The following MGAM2 variants were observed in gnomAD, a reference collection of about 807,000 sequenced individuals.
MGAM2 encodes probable maltase-glucoamylase 2.
In MGAM2, 98 loss-of-function variants were observed where a neutral mutation model predicts 96.1. That is an observed-to-expected ratio of 1.02 (90% CI 0.87 to 1.21). The LOEUF (loss-of-function observed/expected upper bound fraction) is 1.21. Among genes scored for constraint, MGAM2 ranks in the 50% most tolerant of loss-of-function variants. The probability of loss-of-function intolerance (pLI) is 0.00; values close to 1 mark genes in which losing one functional copy is unlikely to be tolerated. For synonymous variants in MGAM2, 749 were observed against 414.8 expected, an observed-to-expected ratio of 1.81 and a Z score of -9.79; for missense variants, 2,055 against 1,182.4, an observed-to-expected ratio of 1.74 and a Z score of -10.82.
intron 3 of MGAM2, among the ~76,000 whole-genome samples, chr7:142,124,559 G>A (rs1794685201): frequency 6.6e-6 from 1 of 151,752 alleles, no homozygotes; most frequent in Non-Finnish European, 1.5e-5. Flanking sequence ...TGCCCTTTAG[G>A]TTTCTGAATA....
At chr7:142,187,392 G>C (rs78925886) in intron 35 of MGAM2, among the ~76,000 whole-genome samples, 3 of 152,168 alleles carry the variant, frequency 2.0e-5, no homozygotes, top group Admixed American at 6.5e-5. Context: ...CCTCTGTTGG[G>C]GAGTTGTATC....
chr7:142,195,833 G>A (rs999691800), intron 37 of MGAM2, among the ~76,000 whole-genome samples: 4 of 152,140 alleles, frequency 2.6e-5, no homozygotes, highest in Middle Eastern at 6.8e-3. Flanking sequence ...GAAAGTGACC[G>A]GTATAATACT....
intron 12 of MGAM2, among the ~76,000 whole-genome samples, chr7:142,142,890 G>A (rs956151145): frequency 1.3e-5 from 2 of 152,124 alleles, no homozygotes; most frequent in Non-Finnish European, 2.9e-5. Flanking sequence ...AAATTTGCTG[G>A]CTCGCTCTAG....
chr7:142,131,746 T>C, intron 5 of MGAM2, 119 bp downstream of exon 5: 1 of 621,984 alleles, frequency 1.6e-6, no homozygotes, highest in South Asian at 1.9e-5. Context: ...CTGGATGGCA[T>C]GGGCAGGCTA....
chr7:142,129,339 C>T (rs191580173), intron 3 of MGAM2, among the ~76,000 whole-genome samples: 224 of 152,134 alleles, frequency 1.5e-3, no homozygotes, highest in African/African-American at 5.2e-3. Context: ...TGGACTTGTA[C>T]TTTTGGATTA....
chr7:142,165,551 T>C (rs1015082126), intron 24 of MGAM2, among the ~76,000 whole-genome samples: 2 of 152,210 alleles, frequency 1.3e-5, no homozygotes, highest in African/African-American at 2.4e-5. Flanking sequence ...CCCCCTTCCA[T>C]GTTGACAAGA....
At chr7:142,182,115 G>T (rs929239388) in intron 32 of MGAM2, among the ~76,000 whole-genome samples, 1 of 152,132 alleles carries the variant, frequency 6.6e-6, no homozygotes, top group African/African-American at 2.4e-5. Flanking sequence ...TCTTCTCAGT[G>T]TTCTGAGAGT....
rs891441994 is a variant in MGAM2, at chr7:142,120,463, G to C, written c.186+82G>C. 4.6e-6 allele frequency: 3 copies of C among 651,782 alleles called. No individual in the cohort carries two copies. In the African/African-American group the frequency reaches 5.4e-5, roughly 12 times the overall value. 40.4% of individuals were successfully genotyped at this position (651,782 alleles called of 1,614,324 possible). A position where few individuals can be genotyped will look rare whatever the true frequency, so the allele number is the denominator to read the frequency against. On this transcript the variant is annotated intron_variant, in intron 3 of 47. Transcript: ENST00000477922. ...ATATGTGAAGTGGGGAAAGGGTGGGGGTGGCATGGCTTCTGGGCCTCTGAT... is the reference window on the plus strand; with the variant it reads ...ATATGTGAAGTGGGGAAAGGGTGGGCGTGGCATGGCTTCTGGGCCTCTGAT...
intron 1 of MGAM2, 25 bp from the exon 2 acceptor site, chr7:142,116,849 A>T (rs758788743): frequency 1.5e-4 from 102 of 703,424 alleles, no homozygotes; most frequent in South Asian, 1.3e-3. Context: ...GATTTGTTTT[A>T]ACCCAATTAT....
rs551137221 is a variant in MGAM2, at chr7:142,208,580, T to C, written c.5145T>C (p.Tyr1715=). The change falls in exon 46 of 48, where the codon TAT becomes TAC. Residue 1715 remains tyrosine, a synonymous_variant. Coordinates refer to ENST00000477922, the MANE Select transcript of MGAM2 (RefSeq NM_001293626.2). ...TCTTTTCCTTGTTTGCAGATACCTA[T>C]GAAAATGGAAATTATTTTTTGGCAA... ...FWDDGQSIDT[Y]ENGNYFLANF... The C allele has an allele frequency of 2.8e-6, 2 of 702,818 alleles. No homozygotes were observed. Among genetic ancestry groups the C allele is most frequent in the South Asian group, 3.0e-5 (2 of 67,564 alleles). The allele number at this position is 702,818 out of a possible 1,614,324, so 43.5% of individuals were successfully genotyped here.
chr7:142,131,529 C>T lies in MGAM2; in HGVS notation c.322C>T (p.Gln108Ter), dbSNP rs1794889109. The T allele has an allele frequency of 1.3e-5, 9 of 702,928 alleles. No homozygotes were observed. In the East Asian group the frequency reaches 2.1e-4, roughly 17 times the overall value. 43.5% of individuals were successfully genotyped at this position (702,928 alleles called of 1,614,324 possible). A position where few individuals can be genotyped will look rare whatever the true frequency, so the allele number is the denominator to read the frequency against. The change falls in exon 5 of 48, where the codon CAG becomes TAG. Residue 108 changes from glutamine to a stop codon, truncating the protein, a stop_gained. Coordinates refer to ENST00000477922, the MANE Select transcript of MGAM2 (RefSeq NM_001293626.2). LOFTEE classifies it high-confidence loss of function. Reference protein sequence around the residue: ...HTNTSTGFTAQLKRLPSPSLF... With the variant: ...HTNTSTGFTA ...CTTGCCACCCCTAGGATTTACTGCCCAGTTGAAAAGGTTGCCATCACCATC... is the reference window on the plus strand; with the variant it reads ...CTTGCCACCCCTAGGATTTACTGCCTAGTTGAAAAGGTTGCCATCACCATC...
intron 15 of MGAM2, among the ~76,000 whole-genome samples, chr7:142,150,275 A>G (rs1002239012): frequency 5.3e-5 from 8 of 152,164 alleles, no homozygotes; most frequent in Non-Finnish European, 1.0e-4. Flanking sequence ...GTTGGTAGCA[A>G]CAGCATCCCT....
In MGAM2 at chr7:142,132,087, T is replaced by C. The variant is rs908216134; in HGVS notation, c.575+2T>C. ...GAGGACAAGCAACAGAAGAGTCTTG[T>C]GAGCTTTTCAACCCTCTTGGTGCAT... On this transcript the variant is annotated splice_donor_variant, in intron 6 of 47. Coordinates refer to ENST00000477922, the MANE Select transcript of MGAM2 (RefSeq NM_001293626.2). LOFTEE classifies it high-confidence loss of function. 1 of 701,564 alleles carries C rather than the reference T, an allele frequency of 1.4e-6. No homozygotes were observed. The highest frequency in any genetic ancestry group is 2.6e-6 in the Non-Finnish European group (1 of 384,502). The allele number at this position is 701,564 out of a possible 1,614,324, so 43.5% of individuals were successfully genotyped here. A position where few individuals can be genotyped will look rare whatever the true frequency, so the allele number is the denominator to read the frequency against.
intron 10 of MGAM2, among the ~76,000 whole-genome samples, chr7:142,140,055 G>T (rs117384634): frequency 1.3e-5 from 2 of 152,100 alleles, no homozygotes; most frequent in African/African-American, 4.8e-5. Context: ...CTGTAAGGTC[G>T]AGACTCCTAC....
At position 142,164,869 on chromosome 7, in the gene MGAM2, C is replaced by G; in HGVS notation, c.2498C>G (p.Ala833Gly). ...TTCCCCTCCCAGAACCATCTACAAG[C>G]AAAGATTATAAATAATAATTATATG... ...DFSVTSNHLQ[A>G]KIINNNYMDT... Residue 833 changes from alanine to glycine, a missense_variant, in exon 24 of 48, where the codon GCA becomes GGA. Ala to Gly is a moderately conservative substitution (Grantham distance 60). Coordinates refer to ENST00000477922, the MANE Select transcript of MGAM2 (RefSeq NM_001293626.2). 1.4e-6 allele frequency: 1 copy of G among 695,736 alleles called. No individual in the cohort carries two copies. Among genetic ancestry groups the G allele is most frequent in the Non-Finnish European group, 2.6e-6 (1 of 382,422 alleles). 43.1% of individuals were successfully genotyped at this position (695,736 alleles called of 1,614,324 possible). A position where few individuals can be genotyped will look rare whatever the true frequency, so the allele number is the denominator to read the frequency against.
chr7:142,182,922 C>T (rs1796584419), intron 32 of MGAM2, among the ~76,000 whole-genome samples: 3 of 152,250 alleles, frequency 2.0e-5, no homozygotes, highest in South Asian at 4.1e-4. Context: ...TGTCCCCTTT[C>T]CTCTCATTTT....
chr7:142,188,137 C>G (rs959857552), intron 36 of MGAM2, among the ~76,000 whole-genome samples: 1 of 151,846 alleles, frequency 6.6e-6, no homozygotes, highest in African/African-American at 2.4e-5. Flanking sequence ...CACACACACA[C>G]ACACACACAC....
In MGAM2 at chr7:142,173,357, A is replaced by G. The variant is rs1476298819; in HGVS notation, c.3687+3A>G. ...TGGTGGCAGCCCAGATTCCCTATGT[A>G]TGAAACCCTCACTCAGCCCAAGGTG... On this transcript the variant is annotated splice_donor_region_variant and intron_variant, in intron 31 of 47. Transcript: ENST00000477922. The G allele has an allele frequency of 5.7e-6, 4 of 702,774 alleles. No individual in the cohort carries two copies. Among genetic ancestry groups the G allele is most frequent in the Non-Finnish European group, 1.0e-5 (4 of 384,780 alleles). The allele number at this position is 702,774 out of a possible 1,614,324, so 43.5% of individuals were successfully genotyped here.
chr7:142,170,344 T>C (rs1796151009), intron 27 of MGAM2, 115 bp downstream of exon 27: 1 of 517,594 alleles, frequency 1.9e-6, no homozygotes, highest in Non-Finnish European at 3.4e-6. Flanking sequence ...GGTGTGCATT[T>C]GTTAGAGTAT....
Sources: gnomAD v4.1 joint callset for allele counts (sites outside exome capture counted in the v4.1 genomes callset) on GRCh38, gnomAD v4.1.1 for gene constraint, MANE v1.5 for transcripts, NCBI Gene and HGNC (gene_info 2026-07-23, HGNC 2026-07-21) for gene names.